The following XNDC1N variants were observed in gnomAD, a reference collection of about 807,000 sequenced individuals.
XNDC1N encodes the protein XRCC1 N-terminal domain containing 1, N-terminal like, also known as protein XNDC1N.
At chr11:71,916,211 G>A in the XNDC1N span, 12 of 702,774 alleles carry the variant, frequency 1.7e-5, no homozygotes, top group Non-Finnish European at 3.1e-5. Flanking sequence ...GTCAGGCGAA[G>A]TCGATCCCAT....
At chr11:71,891,945 C>T in the XNDC1N span, among the ~76,000 whole-genome samples, 2 of 151,912 alleles carry the variant, frequency 1.3e-5, no homozygotes, top group Non-Finnish European at 2.9e-5. Flanking sequence ...CTCTCCACCT[C>T]CGGATATTAA....
the XNDC1N span, chr11:71,918,862 T>C: frequency 1.4e-6 from 1 of 701,542 alleles, no homozygotes; most frequent in Admixed American, 2.0e-5. Flanking sequence ...TTCCTCAAGG[T>C]TCCTAGGCCA....
At chr11:71,904,708 CG>C in the XNDC1N span, among the ~76,000 whole-genome samples, 1 of 152,004 alleles carries the variant, frequency 6.6e-6, no homozygotes, top group Non-Finnish European at 1.5e-5. Context: ...ATGACACAGG[CG>C]GTTGACACAC....
At chr11:71,893,390 G>A in the XNDC1N span, 9 of 680,928 alleles carry the variant, frequency 1.3e-5, no homozygotes, top group East Asian at 2.5e-4. Context: ...TGAATTGCTT[G>A]CATCCAGCAT....
chr11:71,918,820 A>C, the XNDC1N span: 1 of 685,766 alleles, frequency 1.5e-6, no homozygotes, highest in East Asian at 2.7e-5. Flanking sequence ...ATGTTAGTGG[A>C]GTAGTTAGAG....
chr11:71,875,995 A>T, the XNDC1N span, among the ~76,000 whole-genome samples: 1 of 152,184 alleles, frequency 6.6e-6, no homozygotes, highest in Non-Finnish European at 1.5e-5. Context: ...GCTGCCCTCC[A>T]GCCTGGGTGA....
chr11:71,908,450 A>G, the XNDC1N span, among the ~76,000 whole-genome samples: 110 of 152,180 alleles, frequency 7.2e-4, no homozygotes, highest in African/African-American at 2.5e-3. Flanking sequence ...CCAATTAATA[A>G]TTGAGATTAT....
At chr11:71,896,735 GTA>G in the XNDC1N span, among the ~76,000 whole-genome samples, 1 of 152,206 alleles carries the variant, frequency 6.6e-6, no homozygotes, top group Non-Finnish European at 1.5e-5. Flanking sequence ...AGCTAATGTT[GTA>G]TTTCTGGTAG....
the XNDC1N span, chr11:71,904,053 C>T: frequency 1.9e-6 from 1 of 523,216 alleles, no homozygotes; most frequent in Admixed American, 1.9e-5. Flanking sequence ...TGCTGAACCC[C>T]TTCATCTACA....
the XNDC1N span, among the ~76,000 whole-genome samples, chr11:71,895,475 A>ATTTTTTTTT: frequency 2.0e-4 from 20 of 98,356 alleles, no homozygotes; most frequent in East Asian, 2.9e-4. Context: ...ATGCCTGGCT[A>ATTTTTTTTT]TTTTTTTTTT....
chr11:71,890,059 G>T, the XNDC1N span, among the ~76,000 whole-genome samples: 1 of 152,194 alleles, frequency 6.6e-6, no homozygotes, highest in South Asian at 2.1e-4. Context: ...TCAGAGTTCC[G>T]GAAAGGTGGA....
the XNDC1N span, among the ~76,000 whole-genome samples, chr11:71,901,889 T>C: frequency 6.6e-6 from 1 of 152,072 alleles, no homozygotes; most frequent in Non-Finnish European, 1.5e-5. Context: ...AAATGAATTT[T>C]AGATATATTC....
At chr11:71,919,610 T>TTTTG in the XNDC1N span, among the ~76,000 whole-genome samples, 42 of 11,786 alleles carry the variant, frequency 3.6e-3, no homozygotes, top group African/African-American at 5.7e-3. Context: ...GGTTGGTTTT[T>TTTTG]TTTTTTGTTT....
the XNDC1N span, among the ~76,000 whole-genome samples, chr11:71,909,627 T>C: frequency 6.6e-6 from 1 of 152,260 alleles, no homozygotes; most frequent in Non-Finnish European, 1.5e-5. Flanking sequence ...TAGATAGCGG[T>C]GCTGAACATT....
At chr11:71,920,617 A>C in the XNDC1N span, among the ~76,000 whole-genome samples, 1 of 152,202 alleles carries the variant, frequency 6.6e-6, no homozygotes, top group Non-Finnish European at 1.5e-5. Context: ...GATGTTTTCA[A>C]GGACATTTAT....
chr11:71,903,650 C>CTT, the XNDC1N span: 400 of 347,542 alleles, frequency 1.2e-3, 3 homozygotes, highest in African/African-American at 8.2e-3. Flanking sequence ...TTTTTTTTTT[C>CTT]TTTTTTTTTT....
the XNDC1N span, among the ~76,000 whole-genome samples, chr11:71,919,605 GTTTTTTTTTTTGTTTGTT>G: frequency 9.2e-5 from 1 of 10,888 alleles, no homozygotes. Flanking sequence ...GGCCAGGTTG[GTTTTTTTTTTTGTTTGTT>G]TTTTTTTTTT....
the XNDC1N span, among the ~76,000 whole-genome samples, chr11:71,866,716 A>G: frequency 2.0e-5 from 3 of 151,996 alleles, no homozygotes; most frequent in African/African-American, 7.2e-5. Context: ...GTGAGCCGAG[A>G]TTGCGCCACT....
chr11:71,914,323 T>C, the XNDC1N span: 1 of 456,230 alleles, frequency 2.2e-6, no homozygotes, highest in South Asian at 1.5e-5. Context: ...TGGAAGAAGT[T>C]GATTCCAACC....
Sources: gnomAD v4.1 joint callset for allele counts (sites outside exome capture counted in the v4.1 genomes callset) on GRCh38, gnomAD v4.1.1 for gene constraint, MANE v1.5 for transcripts, NCBI Gene and HGNC (gene_info 2026-07-23, HGNC 2026-07-21) for gene names.